Variants in NRXN3 observed in about 807,000 individuals in gnomAD.
The protein encoded by NRXN3 is neurexin III.
A neutral mutation model predicts 137.6 loss-of-function variants in NRXN3; 32 were observed. The ratio of observed to expected loss-of-function variants is 0.23; its 90% CI spans 0.18 to 0.31. NRXN3 has a LOEUF of 0.31. Among genes scored for constraint, NRXN3 ranks in the 10% least tolerant of loss-of-function variants. NRXN3 has a pLI of 1.00. For missense variants in NRXN3, 1,574 were observed against 2,062.5 expected (o/e 0.76, Z 4.59); for synonymous variants, 798 against 784.5 (o/e 1.02, Z -0.29).
intron 4 of NRXN3, among the ~76,000 whole-genome samples, chr14:78,411,390 C>A (rs1220314353): frequency 6.6e-6 from 1 of 152,146 alleles, no homozygotes; most frequent in African/African-American, 2.4e-5. Flanking sequence ...CAGCACAGGC[C>A]CTGGGTGAGG....
chr14:78,970,400 C>CT (rs138323492), intron 14 of NRXN3, among the ~76,000 whole-genome samples: 11,166 of 152,136 alleles, frequency 0.073, 1,362 homozygotes, highest in African/African-American at 0.25. Flanking sequence ...ATATTTTGCA[C>CT]TTTTTTTCAC....
chr14:79,525,656 A>T (rs778772718), intron 16 of NRXN3, among the ~76,000 whole-genome samples: 1 of 152,144 alleles, frequency 6.6e-6, no homozygotes, highest in Non-Finnish European at 1.5e-5. Flanking sequence ...ATTGCGTGGT[A>T]TTCATTTTCC....
intron 19 of NRXN3, among the ~76,000 whole-genome samples, chr14:79,782,549 G>T (rs1396232044): frequency 6.6e-6 from 1 of 152,150 alleles, no homozygotes; most frequent in Non-Finnish European, 1.5e-5. Flanking sequence ...GATGGTATTT[G>T]TTTCATTTAT....
At chr14:79,177,040 C>G (rs908756702) in intron 15 of NRXN3, among the ~76,000 whole-genome samples, 2 of 152,052 alleles carry the variant, frequency 1.3e-5, no homozygotes, top group South Asian at 4.1e-4. Flanking sequence ...GTTGAAATAG[C>G]TCTAGAGAAA....
chr14:78,835,407 A>G (rs924635484), intron 10 of NRXN3, among the ~76,000 whole-genome samples: 8 of 152,074 alleles, frequency 5.3e-5, no homozygotes, highest in African/African-American at 1.9e-4. Flanking sequence ...ATTGGAAGCG[A>G]TAGGTTTGGG....
At chr14:78,931,872 C>T (rs759061742) in intron 10 of NRXN3, among the ~76,000 whole-genome samples, 12 of 152,016 alleles carry the variant, frequency 7.9e-5, no homozygotes, top group Admixed American at 2.6e-4. Context: ...GAAGGCTGGG[C>T]GCGGTGGCTC....
At chr14:78,313,964 G>A (rs937990233) in intron 4 of NRXN3, among the ~76,000 whole-genome samples, 3 of 152,052 alleles carry the variant, frequency 2.0e-5, no homozygotes, top group African/African-American at 7.2e-5. Flanking sequence ...TGAGCACAAG[G>A]GATACACAAA....
At chr14:78,914,676 G>A (rs1160229827) in intron 10 of NRXN3, among the ~76,000 whole-genome samples, 1 of 152,176 alleles carries the variant, frequency 6.6e-6, no homozygotes, top group Non-Finnish European at 1.5e-5. Context: ...AGCAAAGTAA[G>A]AGATGAGACT....
At chr14:78,619,521 C>A (rs111829939) in intron 4 of NRXN3, among the ~76,000 whole-genome samples, 1 of 152,012 alleles carries the variant, frequency 6.6e-6, no homozygotes, top group Non-Finnish European at 1.5e-5. Context: ...TCCCATAATC[C>A]CCATAATCCC....
intron 19 of NRXN3, among the ~76,000 whole-genome samples, chr14:79,744,409 T>A (rs1200519697): frequency 1.3e-4 from 17 of 128,814 alleles, no homozygotes; most frequent in African/African-American, 3.0e-5. Flanking sequence ...TCCACTTAGA[T>A]GTTTCCTACC....
intron 4 of NRXN3, among the ~76,000 whole-genome samples, chr14:78,511,883 C>T (rs74626153): frequency 6.6e-6 from 1 of 152,118 alleles, no homozygotes; most frequent in Non-Finnish European, 1.5e-5. Flanking sequence ...ATGGGACCCA[C>T]TTCTATGAGA....
intron 4 of NRXN3, among the ~76,000 whole-genome samples, chr14:78,321,155 C>T (rs1401332348): frequency 2.0e-5 from 3 of 151,892 alleles, no homozygotes; most frequent in African/African-American, 7.3e-5. Context: ...GATCACCCAG[C>T]CCTAAATTAT....
chr14:79,181,823 C>A (rs969668948), intron 15 of NRXN3, among the ~76,000 whole-genome samples: 1 of 151,920 alleles, frequency 6.6e-6, no homozygotes, highest in African/African-American at 2.4e-5. Flanking sequence ...ATCATAAGCG[C>A]TTTAAGGAGA....
At chr14:78,917,352 T>C (rs2099258176) in intron 10 of NRXN3, among the ~76,000 whole-genome samples, 2 of 152,142 alleles carry the variant, frequency 1.3e-5, no homozygotes, top group Admixed American at 6.5e-5. Context: ...AAAATAACTA[T>C]TGGATACTAG....
At chr14:79,574,226 A>C (rs1409563347) in intron 16 of NRXN3, among the ~76,000 whole-genome samples, 2 of 151,622 alleles carry the variant, frequency 1.3e-5, no homozygotes, top group East Asian at 1.9e-4. Context: ...ATGCACCCAC[A>C]CACACACACA....
intron 15 of NRXN3, among the ~76,000 whole-genome samples, chr14:79,164,663 C>A (rs2061122370): frequency 6.6e-6 from 1 of 151,876 alleles, no homozygotes; most frequent in South Asian, 2.1e-4. Context: ...TTTGTCATGC[C>A]TATTTCCCTA....
At chr14:79,855,846 T>C (rs1458121291) in intron 20 of NRXN3, among the ~76,000 whole-genome samples, 1 of 152,172 alleles carries the variant, frequency 6.6e-6, no homozygotes, top group East Asian at 1.9e-4. Flanking sequence ...ATTGATGGTT[T>C]GAGGTAGGGT....
chr14:78,334,809 A>T (rs2081264418), intron 4 of NRXN3, among the ~76,000 whole-genome samples: 1 of 152,062 alleles, frequency 6.6e-6, no homozygotes, highest in African/African-American at 2.4e-5. Flanking sequence ...AGTAAGAGGG[A>T]CACTGAGCTT....
chr14:78,686,584 A>G (rs2098127797), intron 6 of NRXN3, among the ~76,000 whole-genome samples: 1 of 152,232 alleles, frequency 6.6e-6, no homozygotes, highest in Non-Finnish European at 1.5e-5. Context: ...ATACTCAGCT[A>G]GCATACAGAT....
Sources: allele counts gnomAD v4.1 joint callset (sites outside exome capture counted in the v4.1 genomes callset), GRCh38; gene constraint gnomAD v4.1.1; transcripts MANE v1.5; gene names NCBI Gene and HGNC (gene_info 2026-07-23, HGNC 2026-07-21).